The following E2F3 variants were observed in gnomAD, a reference collection of about 807,000 sequenced individuals.
The protein encoded by E2F3 is transcription factor E2F3.
E2F3 carries 11 observed loss-of-function variants against 44.4 expected under a neutral mutation model. The ratio of observed to expected loss-of-function variants is 0.25; its 90% CI spans 0.16 to 0.41. The LOEUF is 0.41. Among genes scored for constraint, E2F3 ranks in the 10% least tolerant of loss-of-function variants. E2F3 has a pLI of 1.00. For missense variants in E2F3, 487 were observed against 583.6 expected, an observed-to-expected ratio of 0.83 and a Z score of 1.70; for synonymous variants, 249 against 253.0, an observed-to-expected ratio of 0.98 and a Z score of 0.15.
At chr6:20,483,124 A>C (rs1430080308) in intron 4 of E2F3, among the ~76,000 whole-genome samples, 2 of 152,126 alleles carry the variant, frequency 1.3e-5, no homozygotes, top group African/African-American at 4.8e-5. Context: ...ATTTATGGTA[A>C]GATAGTCACC....
chr6:20,459,813 G>A (rs1387497591), intron 1 of E2F3, among the ~76,000 whole-genome samples: 1 of 152,076 alleles, frequency 6.6e-6, no homozygotes, highest in Admixed American at 6.5e-5. Flanking sequence ...GTGGTGGCGT[G>A]CACCTGTAGT....
chr6:20,403,746 T>G, intron 1 of E2F3: 1 of 1,466,844 alleles, frequency 6.8e-7, no homozygotes, highest in African/African-American at 1.5e-5. Context: ...GCCGCCGGTC[T>G]GTTCGGCCCT....
At chr6:20,424,379 GTGTA>G (rs1760138016) in intron 1 of E2F3, among the ~76,000 whole-genome samples, 1 of 48,394 alleles carries the variant, frequency 2.1e-5, no homozygotes, top group Non-Finnish European at 3.7e-5. Context: ...GAGAGAGTGT[GTGTA>G]TGTGTGTGTG....
rs1762549332 is a variant in E2F3, at chr6:20,491,431, C to CT, written c.*1003dup. The CT allele has an allele frequency of 4.5e-6, 1 of 224,664 alleles. No homozygotes were observed. Among genetic ancestry groups the CT allele is most frequent in the Non-Finnish European group, 8.9e-6 (1 of 112,380 alleles). 13.9% of individuals were successfully genotyped at this position (224,664 alleles called of 1,614,324 possible). Reference sequence around the variant, plus strand: ...CTGCAAGGAGCTTTGTCCCATCGTGCTTCCATTCCCAGGAGGGGGAGCTTG... The same window carrying CT: ...CTGCAAGGAGCTTTGTCCCATCGTGCTTTCCATTCCCAGGAGGGGGAGCTTG... On this transcript the variant is annotated 3_prime_UTR_variant, in exon 7 of 7. Coordinates refer to ENST00000346618, the MANE Select transcript of E2F3 (RefSeq NM_001949.5).
intron 1 of E2F3, among the ~76,000 whole-genome samples, chr6:20,405,547 G>C (rs566212703): frequency 6.6e-6 from 1 of 151,992 alleles, no homozygotes; most frequent in African/African-American, 2.4e-5. Context: ...TCTACTGGCC[G>C]GGCGCTGTGG....
At chr6:20,453,051 A>G (rs932940197) in intron 1 of E2F3, among the ~76,000 whole-genome samples, 4 of 151,554 alleles carry the variant, frequency 2.6e-5, no homozygotes, top group African/African-American at 7.3e-5. Context: ...CCTGTACGTG[A>G]TTTACTCTTC....
Position 20,402,758 on chromosome 6 carries a change from C to T in E2F3, c.393+133C>T. On this transcript the variant is annotated intron_variant, in intron 1 of 6. Transcript: ENST00000346618. The surrounding 1 kb of genome is among the most constrained non-coding windows in gnomAD (Gnocchi z 5.6). ...ATCGTGGGCCTCGGGGGCTGCCCCT[C>T]CAACGAGGGTTCATTGTTAGACCTG... The T allele has an allele frequency of 8.0e-7, 1 of 1,246,090 alleles. No individual in the cohort carries two copies. The highest frequency in any genetic ancestry group is 1.0e-6 in the Non-Finnish European group (1 of 996,268). 77.2% of individuals were successfully genotyped at this position (1,246,090 alleles called of 1,614,324 possible).
chr6:20,448,709 T>G (rs1561865745), intron 1 of E2F3, among the ~76,000 whole-genome samples: 1 of 152,204 alleles, frequency 6.6e-6, no homozygotes, highest in Non-Finnish European at 1.5e-5. Flanking sequence ...ATTTCTTGTC[T>G]GATCTGAGGA....
intron 1 of E2F3, chr6:20,445,092 G>A (rs1760897035): frequency 1.0e-6 from 1 of 985,440 alleles, no homozygotes; most frequent in Non-Finnish European, 1.2e-6. Flanking sequence ...CAGTCGGGCT[G>A]GAGAGTCGAG....
At chr6:20,467,586 G>C (rs777663772) in intron 1 of E2F3, among the ~76,000 whole-genome samples, 2 of 152,028 alleles carry the variant, frequency 1.3e-5, no homozygotes, top group Non-Finnish European at 2.9e-5. Context: ...TTCTGATGTC[G>C]CTGCATAATT....
At chr6:20,440,493 G>A (rs959439757) in intron 1 of E2F3, among the ~76,000 whole-genome samples, 3 of 152,158 alleles carry the variant, frequency 2.0e-5, no homozygotes, top group African/African-American at 4.8e-5. Flanking sequence ...AATGATTCAC[G>A]ATTCTGTACA....
chr6:20,462,093 C>G (rs550504296), intron 1 of E2F3, among the ~76,000 whole-genome samples: 1 of 152,236 alleles, frequency 6.6e-6, no homozygotes, highest in African/African-American at 2.4e-5. Context: ...GTTATATGTT[C>G]TTTTCTTACT....
intron 1 of E2F3, among the ~76,000 whole-genome samples, chr6:20,436,565 C>T (rs563501563): frequency 5.6e-4 from 85 of 152,248 alleles, no homozygotes; most frequent in African/African-American, 1.9e-3. Context: ...TCTTGGGCCA[C>T]ATGCGGCCCG....
Position 20,479,867 on chromosome 6 carries a change from G to A in E2F3, c.415G>A (p.Gly139Arg). Residue 139 changes from glycine (G) to arginine (R), a missense_variant, in exon 2 of 7, where the codon GGA becomes AGA. Transcript: ENST00000346618. ...ACAGGCAAAGCGAAGGCTGGAGCTA[G>A]GAGAAAGCGGTCATCAGTACCTCTC... ...GPPAKRRLEL[G>R]ESGHQYLSDG... 2 of 1,612,386 alleles carry A rather than the reference G, an allele frequency of 1.2e-6. No individual in the cohort carries two copies. Among genetic ancestry groups the A allele is most frequent in the Non-Finnish European group, 1.7e-6 (2 of 1,179,234 alleles).
At chr6:20,423,636 A>T (rs919168672) in intron 1 of E2F3, among the ~76,000 whole-genome samples, 1 of 151,082 alleles carries the variant, frequency 6.6e-6, no homozygotes, top group African/African-American at 2.4e-5. Context: ...ACACCCAGCT[A>T]ATTTTTGTAT....
chr6:20,493,622 G>C lies in E2F3; in HGVS notation c.*3192G>C, dbSNP rs1262230601. On this transcript the variant is annotated 3_prime_UTR_variant, in exon 7 of 7. Coordinates refer to ENST00000346618, the MANE Select transcript of E2F3 (RefSeq NM_001949.5). ...AAATAGATTTGTTACAGGGTGACCT[G>C]TTCTCTAGCTGTGATCTTACCACTT... 4 of 204,618 alleles carry C rather than the reference G, an allele frequency of 2.0e-5. No homozygotes were observed. Among genetic ancestry groups the C allele is most frequent in the African/African-American group, 9.1e-5 (4 of 43,782 alleles). 12.7% of individuals were successfully genotyped at this position (204,618 alleles called of 1,614,324 possible). A position where few individuals can be genotyped will look rare whatever the true frequency, so the allele number is the denominator to read the frequency against.
rs1444053249 is a variant in E2F3 at position 20,492,479 on chromosome 6, T to A, written c.*2049T>A. 4.3e-6 allele frequency: 1 copy of A among 232,766 alleles called. No homozygotes were observed. The highest frequency in any genetic ancestry group is 2.2e-5 in the African/African-American group (1 of 45,070). The allele number at this position is 232,766 out of a possible 1,614,324, so 14.4% of individuals were successfully genotyped here. A position where few individuals can be genotyped will look rare whatever the true frequency, so the allele number is the denominator to read the frequency against. ...TGCCTACTGGAAATGCACTGTGGGG[T>A]TTTTTCCTGTATGGGAAACCATTTA... On this transcript the variant is annotated 3_prime_UTR_variant, in exon 7 of 7. Coordinates refer to ENST00000346618, the MANE Select transcript of E2F3 (RefSeq NM_001949.5).
At chr6:20,478,936 A>G (rs7759531) in intron 1 of E2F3, among the ~76,000 whole-genome samples, 2,606 of 152,310 alleles carry the variant, frequency 0.017, 76 homozygotes, top group African/African-American at 0.059. Flanking sequence ...TACCCATACA[A>G]TTAGTACTTA....
chr6:20,454,983 G>T (rs1157582221), intron 1 of E2F3, among the ~76,000 whole-genome samples: 1 of 152,110 alleles, frequency 6.6e-6, no homozygotes, highest in Non-Finnish European at 1.5e-5. Context: ...CAGGGATCAG[G>T]ATTTTTTTTT....
Sources: gnomAD v4.1 joint callset for allele counts (sites outside exome capture counted in the v4.1 genomes callset) on GRCh38, gnomAD v4.1.1 for gene constraint, Gnocchi (gnomAD v3.1) non-coding constraint, MANE v1.5 for transcripts, NCBI Gene and HGNC (gene_info 2026-07-23, HGNC 2026-07-21) for gene names.